The following SPECC1 variants were observed in gnomAD, a reference collection of about 807,000 sequenced individuals.
SPECC1 encodes the protein cytospin-B.
A neutral mutation model predicts 104.1 loss-of-function variants in SPECC1; 62 were observed. That is an observed-to-expected ratio of 0.60 (90% CI 0.49 to 0.74). The LOEUF (loss-of-function observed/expected upper bound fraction) is 0.74, where lower values mean the gene tolerates loss of function less well. SPECC1 is among the 30% of genes least tolerant of loss of function. The pLI is 0.00. For synonymous variants in SPECC1, 513 were observed against 501.6 expected, an observed-to-expected ratio of 1.02 and a Z score of -0.30; for missense variants, 1,306 against 1,310.5, an observed-to-expected ratio of 1.00 and a Z score of 0.05.
At chr17:20,148,439 C>T (rs562816769) in intron 3 of SPECC1, among the ~76,000 whole-genome samples, 1 of 150,728 alleles carries the variant, frequency 6.6e-6, no homozygotes, top group South Asian at 2.1e-4. Context: ...GGGTCTTGTG[C>T]TGTTTCCCAG....
chr17:20,117,668 C>A (rs1403125705), intron 3 of SPECC1, among the ~76,000 whole-genome samples: 1 of 142,342 alleles, frequency 7.0e-6, no homozygotes, highest in African/African-American at 2.6e-5. Context: ...CCTGTAGTCC[C>A]AGCTGCTTGG....
At chr17:20,034,015 G>A (rs987038431) in intron 1 of SPECC1, among the ~76,000 whole-genome samples, 1 of 152,146 alleles carries the variant, frequency 6.6e-6, no homozygotes, top group Non-Finnish European at 1.5e-5. Context: ...CAATGCCATG[G>A]AGCATAAAAA....
intron 1 of SPECC1, among the ~76,000 whole-genome samples, chr17:20,048,674 G>A (rs1000740014): frequency 1.3e-5 from 2 of 152,086 alleles, no homozygotes; most frequent in Non-Finnish European, 2.9e-5. Flanking sequence ...TGGAGCCTGA[G>A]GTGGGTGGAT....
At chr17:20,239,204 AGATT>A (rs1161815761) in intron 7 of SPECC1, 6 of 1,019,720 alleles carry the variant, frequency 5.9e-6, no homozygotes, top group Middle Eastern at 4.7e-4. Context: ...AAATATGAAT[AGATT>A]GATGATTTAA....
At chr17:20,146,792 G>GCTA (rs1220127261) in intron 3 of SPECC1, among the ~76,000 whole-genome samples, 1 of 152,134 alleles carries the variant, frequency 6.6e-6, no homozygotes, top group African/African-American at 2.4e-5. Context: ...TGTAATCCCA[G>GCTA]CTACTTGGGA....
chr17:20,078,007 T>C (rs2046828136), intron 1 of SPECC1, among the ~76,000 whole-genome samples: 2 of 151,918 alleles, frequency 1.3e-5, no homozygotes. Context: ...AAGTATTTGA[T>C]GTAGGTAGAT....
At chr17:20,135,494 C>A (rs188753919) in intron 3 of SPECC1, among the ~76,000 whole-genome samples, 1 of 152,252 alleles carries the variant, frequency 6.6e-6, no homozygotes, top group African/African-American at 2.4e-5. Context: ...CTGTGTCACC[C>A]AGGATGCAGT....
intron 9 of SPECC1, among the ~76,000 whole-genome samples, chr17:20,248,524 G>A (rs904609045): frequency 2.6e-5 from 4 of 152,094 alleles, no homozygotes; most frequent in South Asian, 2.1e-4. Context: ...TTGCCCTCCC[G>A]CTTACAGTAC....
At chr17:20,163,446 T>TA (rs1195444201) in intron 3 of SPECC1, among the ~76,000 whole-genome samples, 1 of 152,180 alleles carries the variant, frequency 6.6e-6, no homozygotes, top group Non-Finnish European at 1.5e-5. Flanking sequence ...AGGTTCTTGT[T>TA]AAAGTCTGAC....
chr17:20,269,960 G>A (rs1405871686), intron 12 of SPECC1, among the ~76,000 whole-genome samples: 6 of 152,216 alleles, frequency 3.9e-5, no homozygotes, highest in Non-Finnish European at 7.3e-5. Context: ...ACAGGCTGCA[G>A]TATGAATGTT....
intron 12 of SPECC1, among the ~76,000 whole-genome samples, chr17:20,270,671 T>C (rs2040379740): frequency 6.6e-6 from 1 of 152,008 alleles, no homozygotes; most frequent in Non-Finnish European, 1.5e-5. Context: ...TTACCATGCA[T>C]TTTTATGCTT....
chr17:20,260,979 A>G (rs2040005380), intron 12 of SPECC1, among the ~76,000 whole-genome samples: 1 of 152,160 alleles, frequency 6.6e-6, no homozygotes, highest in African/African-American at 2.4e-5. Flanking sequence ...TTGGTTGGAT[A>G]TGTTGGATTT....
intron 1 of SPECC1, among the ~76,000 whole-genome samples, chr17:20,031,600 C>G (rs905064408): frequency 5.9e-5 from 9 of 152,180 alleles, no homozygotes; most frequent in African/African-American, 1.9e-4. Context: ...CACCATCTGT[C>G]TCCAGAACTC....
At chr17:20,044,146 G>C (rs1046181289) in intron 1 of SPECC1, among the ~76,000 whole-genome samples, 33 of 152,072 alleles carry the variant, frequency 2.2e-4, no homozygotes, top group Admixed American at 2.2e-3. Flanking sequence ...CCACACAGTG[G>C]AGAACATTTC....
At chr17:20,071,125 G>A (rs2046535960) in intron 1 of SPECC1, among the ~76,000 whole-genome samples, 1 of 151,894 alleles carries the variant, frequency 6.6e-6, no homozygotes, top group African/African-American at 2.4e-5. Flanking sequence ...TTGATCTCCC[G>A]GGCTCAAGCA....
intron 1 of SPECC1, among the ~76,000 whole-genome samples, chr17:20,051,243 TTGGCCCACTGCAACC>T (rs1312350591): frequency 6.6e-6 from 1 of 151,842 alleles, no homozygotes. Context: ...TGGTGCAATC[TTGGCCCACTGCAACC>T]TCTGCCTCCT....
chr17:20,196,392 A>T (rs565842455), intron 3 of SPECC1, among the ~76,000 whole-genome samples: 16 of 152,238 alleles, frequency 1.1e-4, no homozygotes, highest in Non-Finnish European at 2.1e-4. Context: ...ACTCTCCAGC[A>T]TAGCTAGGGG....
chr17:20,249,931 A>G (rs1210323408), intron 9 of SPECC1, among the ~76,000 whole-genome samples: 1 of 152,208 alleles, frequency 6.6e-6, no homozygotes, highest in Admixed American at 6.5e-5. Flanking sequence ...AAAAGATGTC[A>G]AGCCCAGATT....
chr17:20,092,889 ATCT>A (rs1415029232), intron 1 of SPECC1, among the ~76,000 whole-genome samples: 1 of 152,142 alleles, frequency 6.6e-6, no homozygotes, highest in African/African-American at 2.4e-5. Context: ...GGTGCATTTG[ATCT>A]ATAGCCTTGG....
Sources: allele counts gnomAD v4.1 joint callset (sites outside exome capture counted in the v4.1 genomes callset), GRCh38; gene constraint gnomAD v4.1.1; transcripts MANE v1.5; gene names NCBI Gene and HGNC (gene_info 2026-07-23, HGNC 2026-07-21).